ISG20: variants seen among roughly 807,000 people sequenced by gnomAD.
ISG20 encodes interferon-stimulated gene 20 kDa protein.
A neutral mutation model predicts 11.1 loss-of-function variants in ISG20; 8 were observed. The ratio of observed to expected loss-of-function variants is 0.72; its 90% CI spans 0.42 to 1.30. The LOEUF is 1.30. Ranked by LOEUF, ISG20 falls within the 50% of genes most tolerant of loss-of-function variation. ISG20 has a pLI of 0.01. For synonymous variants in ISG20, 110 were observed against 101.7 expected, an observed-to-expected ratio of 1.08 and a Z score of -0.49; for missense variants, 243 against 250.2, an observed-to-expected ratio of 0.97 and a Z score of 0.19.
At chr15:88,649,858 C>G (rs1359544332) in intron 2 of ISG20, 5 of 291,806 alleles carry the variant, frequency 1.7e-5, no homozygotes, top group Non-Finnish European at 2.7e-5. Context: ...CCAGAGAAGG[C>G]CTCCAACCAG....
chr15:88,640,975 T>G (rs1354170857), intron 2 of ISG20, among the ~76,000 whole-genome samples: 2 of 151,616 alleles, frequency 1.3e-5, no homozygotes, highest in Non-Finnish European at 1.5e-5. Flanking sequence ...GTTTTGATTG[T>G]TTTTTTGTAT....
At chr15:88,646,280 C>T (rs2058171706) in intron 2 of ISG20, among the ~76,000 whole-genome samples, 1 of 152,188 alleles carries the variant, frequency 6.6e-6, no homozygotes, top group Non-Finnish European at 1.5e-5. Context: ...TCATACTCCC[C>T]ACCACAACCC....
rs1257280149 is a variant in ISG20 at position 88,650,279 on chromosome 15, T to C, written c.229-1831T>C. The C allele has an allele frequency of 4.0e-5, 62 of 1,535,562 alleles. No individual in the cohort carries two copies. Among genetic ancestry groups the C allele is most frequent in the Admixed American group, 7.8e-5 (4 of 50,980 alleles). ...CAACGGCAGCTGAGTGAAAGCAAGCTGACTGGCCTGTGTGACCAGAGCAGG... is the reference window on the plus strand; with the variant it reads ...CAACGGCAGCTGAGTGAAAGCAAGCCGACTGGCCTGTGTGACCAGAGCAGG... On this transcript the variant is annotated intron_variant, in intron 2 of 3. Coordinates refer to ENST00000306072, the MANE Select transcript of ISG20 (RefSeq NM_002201.6). This position sits in a 1 kb window ranked among gnomAD's most constrained non-coding sequence, Gnocchi z 4.0.
rs546039569 is a variant in ISG20, at chr15:88,653,402, C to T, written c.429+1092C>T. On this transcript the variant is annotated intron_variant, in intron 3 of 3. Coordinates refer to ENST00000306072, the MANE Select transcript of ISG20 (RefSeq NM_002201.6). ...GCCAGGTGAGTCAAAGCCTGAGGCT[C>T]GGGGAGGGGCTGGGGAGCACGGAGC... is the stretch of plus-strand genomic sequence containing the variant. Among the ~76,000 whole-genome samples the T allele has an allele frequency of 2.1e-3, 314 of 152,140 alleles. 1 individual carries two copies. Among genetic ancestry groups the T allele is most frequent in the Non-Finnish European group, 4.0e-3 (271 of 67,964 alleles).
At position 88,656,092 on chromosome 15, in the gene ISG20, C is replaced by T. The variant is rs1257113734; in HGVS notation, c.*561C>T. The T allele has an allele frequency of 6.6e-6, 1 of 152,296 alleles. No individual in the cohort carries two copies. The highest frequency in any genetic ancestry group is 1.5e-5 in the Non-Finnish European group (1 of 68,140). 9.4% of individuals were successfully genotyped at this position (152,296 alleles called of 1,614,324 possible). A position where few individuals can be genotyped will look rare whatever the true frequency, so the allele number is the denominator to read the frequency against. On this transcript the variant is annotated 3_prime_UTR_variant, in exon 4 of 4. Transcript: ENST00000306072. ...AGTCAGAGAGAAGTAGGTTGGAATCCTCTTTGTCATTTAGTAGCTGTTTGA... is the reference window on the plus strand; with the variant it reads ...AGTCAGAGAGAAGTAGGTTGGAATCTTCTTTGTCATTTAGTAGCTGTTTGA...
chr15:88,636,459 G>C (rs537635212), upstream of ISG20, among the ~76,000 whole-genome samples: 3 of 152,204 alleles, frequency 2.0e-5, no homozygotes, highest in Non-Finnish European at 4.4e-5. Flanking sequence ...GAACTAAACA[G>C]ATGGCAGGGG....
At chr15:88,652,917 C>G (rs1335705781) in intron 3 of ISG20, among the ~76,000 whole-genome samples, 1 of 151,790 alleles carries the variant, frequency 6.6e-6, no homozygotes, top group East Asian at 2.0e-4. Flanking sequence ...TATTTGTACA[C>G]CAGTTCCCAT....
In ISG20 at chr15:88,650,717, G is replaced by A. The variant is rs1053798289; in HGVS notation, c.229-1393G>A. The A allele has an allele frequency of 1.3e-4, 23 of 176,680 alleles. No individual in the cohort carries two copies. Among genetic ancestry groups the A allele is most frequent in the Admixed American group, 2.9e-4 (5 of 17,104 alleles). The allele number at this position is 176,680 out of a possible 1,614,324, so 10.9% of individuals were successfully genotyped here. ...CCTGCCTTGGACACATCACTATCTC[G>A]GTGGCTTTTCCCCGTGGTCTTTCCA... On this transcript the variant is annotated intron_variant, in intron 2 of 3. Coordinates refer to ENST00000306072, the MANE Select transcript of ISG20 (RefSeq NM_002201.6). This position sits in a 1 kb window ranked among gnomAD's most constrained non-coding sequence, Gnocchi z 4.0.
intron 2 of ISG20, chr15:88,649,995 G>A: frequency 3.8e-6 from 2 of 523,170 alleles, no homozygotes; most frequent in South Asian, 4.2e-5. Context: ...GTGGTTGCCA[G>A]GGGAGAACAT....
rs1596066235 is a variant in ISG20 at position 88,655,677 on chromosome 15, C to A, written c.*146C>A. 2 of 584,354 alleles carry A rather than the reference C, an allele frequency of 3.4e-6. No homozygotes were observed. The highest frequency in any genetic ancestry group is 3.7e-5 in the African/African-American group (2 of 53,512). 36.2% of individuals were successfully genotyped at this position (584,354 alleles called of 1,614,324 possible). A position where few individuals can be genotyped will look rare whatever the true frequency, so the allele number is the denominator to read the frequency against. On this transcript the variant is annotated 3_prime_UTR_variant, in exon 4 of 4. Transcript: ENST00000306072. ...CACTGGGTCCTCTTCTTATTCTTCT[C>A]TCCAAGCTGGGTTAACAGTAGACAG... is the stretch of plus-strand genomic sequence containing the variant.
chr15:88,651,913 G>C, intron 2 of ISG20, 197 bp from the exon 3 acceptor site: 1 of 1,416,602 alleles, frequency 7.1e-7, no homozygotes, highest in Non-Finnish European at 9.2e-7. Context: ...TTTTGGCACA[G>C]AATGAAACTA....
rs2058111920 is a variant in ISG20 at position 88,643,243 on chromosome 15, A to T, written c.228+3649A>T. Reference sequence around the variant, plus strand: ...GAGACCCTGTCTCTATTAAAAAATAATAATAATTAAAATATTAAAAAGAGC... The same window carrying T: ...GAGACCCTGTCTCTATTAAAAAATATTAATAATTAAAATATTAAAAAGAGC... On this transcript the variant is annotated intron_variant, in intron 2 of 3. Coordinates refer to ENST00000306072, the MANE Select transcript of ISG20 (RefSeq NM_002201.6). This position sits in a 1 kb window ranked among gnomAD's most constrained non-coding sequence, Gnocchi z 4.4. Among the ~76,000 whole-genome samples, 4 of 152,110 alleles carry T rather than the reference A, an allele frequency of 2.6e-5. No homozygotes were observed. Among genetic ancestry groups the T allele is most frequent in the Admixed American group, 2.0e-4 (3 of 15,262 alleles).
rs931110174 is a variant in ISG20, at chr15:88,650,332, G to A, written c.229-1778G>A. On this transcript the variant is annotated intron_variant, in intron 2 of 3. Transcript: ENST00000306072. This position sits in a 1 kb window ranked among gnomAD's most constrained non-coding sequence, Gnocchi z 4.0. ...AGGCTGTCCATGTGGGAGGCGAGGCGAGGAACGCGGGGCTGGGGCAGTCAC... is the reference window on the plus strand; with the variant it reads ...AGGCTGTCCATGTGGGAGGCGAGGCAAGGAACGCGGGGCTGGGGCAGTCAC... The A allele has an allele frequency of 9.1e-5, 140 of 1,535,394 alleles. No individual in the cohort carries two copies. Among genetic ancestry groups the A allele is most frequent in the Non-Finnish European group, 1.2e-4 (134 of 1,146,816 alleles).
intron 2 of ISG20, among the ~76,000 whole-genome samples, chr15:88,644,671 T>C (rs924882232): frequency 4.1e-5 from 6 of 148,120 alleles, no homozygotes; most frequent in Non-Finnish European, 8.9e-5. Flanking sequence ...GTTTGGAGAG[T>C]CACCAGAAAG....
intron 3 of ISG20, among the ~76,000 whole-genome samples, chr15:88,654,112 G>A (rs566681415): frequency 3.9e-5 from 6 of 152,280 alleles, no homozygotes; most frequent in African/African-American, 1.4e-4. Context: ...CAAATCCGGG[G>A]CTCTTTACCT....
chr15:88,638,886 A>T, upstream of ISG20: 1 of 171,872 alleles, frequency 5.8e-6, no homozygotes, highest in Non-Finnish European at 1.3e-5. Context: ...AGCCCAGGAG[A>T]TGGAGCAGCC....
At chr15:88,645,346 C>T (rs139019281) in intron 2 of ISG20, among the ~76,000 whole-genome samples, 117 of 152,260 alleles carry the variant, frequency 7.7e-4, no homozygotes, top group Middle Eastern at 6.8e-3. Flanking sequence ...CTGATGTTTG[C>T]TAATTGCACC....
chr15:88,646,184 C>T (rs2058169424), intron 2 of ISG20, among the ~76,000 whole-genome samples: 1 of 152,172 alleles, frequency 6.6e-6, no homozygotes, highest in Admixed American at 6.5e-5. Flanking sequence ...CTGTGCTCCC[C>T]TAAGTAGGAT....
chr15:88,638,024 T>C (rs1415127453), upstream of ISG20, among the ~76,000 whole-genome samples: 1 of 152,192 alleles, frequency 6.6e-6, no homozygotes, highest in Non-Finnish European at 1.5e-5. Flanking sequence ...TTTGGTTTTA[T>C]TTTTGAGGTT....
Sources: allele counts gnomAD v4.1 joint callset (sites outside exome capture counted in the v4.1 genomes callset), GRCh38; gene constraint gnomAD v4.1.1; non-coding constraint Gnocchi (gnomAD v3.1); transcripts MANE v1.5; gene names NCBI Gene and HGNC (gene_info 2026-07-23, HGNC 2026-07-21).